The following SDK2 variants were observed in gnomAD, a reference collection of about 807,000 sequenced individuals.
SDK2 encodes the protein protein sidekick-2.
SDK2 carries 105 observed loss-of-function variants against 253.9 expected under a neutral mutation model. The observed-to-expected ratio is 0.41, with a 90% confidence interval of 0.35 to 0.49. SDK2 has a LOEUF of 0.49. SDK2 is among the 20% of genes least tolerant of loss of function. The pLI is 0.06. For synonymous variants in SDK2, 1,249 were observed against 1,234.9 expected, an observed-to-expected ratio of 1.01 and a Z score of -0.24; for missense variants, 2,608 against 3,003.0, an observed-to-expected ratio of 0.87 and a Z score of 3.07.
chr17:73,608,545 C>T (rs372508396), intron 1 of SDK2, among the ~76,000 whole-genome samples: 1 of 152,178 alleles, frequency 6.6e-6, no homozygotes, highest in Non-Finnish European at 1.5e-5. Context: ...CGAGTTCAAG[C>T]GATTCTCCTG....
At chr17:73,523,424 A>G (rs910115680) in intron 1 of SDK2, among the ~76,000 whole-genome samples, 1 of 151,950 alleles carries the variant, frequency 6.6e-6, no homozygotes, top group Non-Finnish European at 1.5e-5. Context: ...TTATTATAGA[A>G]GTGGTCTTTG....
At chr17:73,528,876 T>C (rs2064147097) in intron 1 of SDK2, among the ~76,000 whole-genome samples, 1 of 152,196 alleles carries the variant, frequency 6.6e-6, no homozygotes, top group South Asian at 2.1e-4. Flanking sequence ...CATTACCCTT[T>C]GGACCATGGC....
In SDK2 at chr17:73,395,713, C is replaced by G. The variant is rs2062966093; in HGVS notation, c.3355-321G>C. Among the ~76,000 whole-genome samples, 1 of 152,244 alleles carries G rather than the reference C, an allele frequency of 6.6e-6. No homozygotes were observed. Among genetic ancestry groups the G allele is most frequent in the Admixed American group, 6.5e-5 (1 of 15,290 alleles). ...TCTGACACACCGATAGCACCGCCACCTTTGGCTCTGCTGTCTCTGCTGCTT... is the reference window on the plus strand; with the variant it reads ...TCTGACACACCGATAGCACCGCCACGTTTGGCTCTGCTGTCTCTGCTGCTT... On this transcript the variant is annotated intron_variant, in intron 24 of 44. Transcript: ENST00000392650. The surrounding 1 kb of genome is among the most constrained non-coding windows in gnomAD (Gnocchi z 4.3).
chr17:73,369,219 C>G, intron 36 of SDK2: 1 of 468,010 alleles, frequency 2.1e-6, no homozygotes, highest in Non-Finnish European at 4.4e-6. Flanking sequence ...CAAATCCGTC[C>G]TACGGGAGGC....
chr17:73,513,240 A>T (rs2063995424), intron 1 of SDK2, among the ~76,000 whole-genome samples: 1 of 152,220 alleles, frequency 6.6e-6, no homozygotes, highest in African/African-American at 2.4e-5. Flanking sequence ...AATTTTCCTG[A>T]TATAGAAATG....
At chr17:73,368,750 C>G (rs1018330288) in intron 36 of SDK2, among the ~76,000 whole-genome samples, 157 bp from the exon 37 acceptor site, 1 of 152,158 alleles carries the variant, frequency 6.6e-6, no homozygotes, top group Non-Finnish European at 1.5e-5. Flanking sequence ...TGGCTCACAC[C>G]TGTAATCCCA....
chr17:73,488,741 G>A (rs144911861), intron 2 of SDK2, among the ~76,000 whole-genome samples: 69 of 152,244 alleles, frequency 4.5e-4, no homozygotes, highest in African/African-American at 1.6e-3. Context: ...GTAGTTATGC[G>A]TTTCTTAACC....
intron 1 of SDK2, among the ~76,000 whole-genome samples, chr17:73,599,245 G>C (rs143171781): frequency 2.8e-3 from 432 of 152,180 alleles, no homozygotes; most frequent in African/African-American, 9.6e-3. Context: ...AGAAAGGAGA[G>C]AAGGTGCTGG....
In SDK2 at chr17:73,443,275, T is replaced by A. The variant is rs2063429499; in HGVS notation, c.614-2352A>T. Among the ~76,000 whole-genome samples, 1 of 151,762 alleles carries A rather than the reference T, an allele frequency of 6.6e-6. No individual in the cohort carries two copies. Among genetic ancestry groups the A allele is most frequent in the African/African-American group, 2.4e-5 (1 of 41,256 alleles). ...TGCGCATAAAATGTAAAAAATAAAG[T>A]AAAATGAAGGGGGAAAGAAAGGAAG... On this transcript the variant is annotated intron_variant, in intron 5 of 44. Transcript: ENST00000392650. The surrounding 1 kb of genome is among the most constrained non-coding windows in gnomAD (Gnocchi z 4.6).
chr17:73,358,309 G>C, intron 39 of SDK2, 105 bp from the exon 40 acceptor site: 1 of 1,412,966 alleles, frequency 7.1e-7, no homozygotes, highest in Non-Finnish European at 9.5e-7. Flanking sequence ...ACCAACCCTG[G>C]ACAGAGAGCC....
intron 1 of SDK2, among the ~76,000 whole-genome samples, chr17:73,528,398 G>T (rs2064142905): frequency 6.6e-6 from 1 of 152,174 alleles, no homozygotes; most frequent in African/African-American, 2.4e-5. Flanking sequence ...GTTGTCCCAG[G>T]CGATGCACCA....
In SDK2 at chr17:73,412,124, ATATATGTGTATGTG is replaced by A. The variant is rs1568389586; in HGVS notation, c.2484+2506_2484+2519del. ...TATGTATACGTATATATGTATACGTATATATGTGTATGTGTATATGTATATATACGTATATATGT... is the reference window on the plus strand; with the variant it reads ...TATGTATACGTATATATGTATACGTATATATGTATATATACGTATATATGT... On this transcript the variant is annotated intron_variant, in intron 18 of 44. Transcript: ENST00000392650. Among the ~76,000 whole-genome samples, 592 of 71,278 alleles carry A rather than the reference ATATATGTGTATGTG, an allele frequency of 8.3e-3. 9 individuals are homozygous for A. Among genetic ancestry groups the A allele is most frequent in the African/African-American group, 0.028 (557 of 20,166 alleles). The allele number at this position is 71,278 out of a possible 152,430, so 46.8% of individuals were successfully genotyped here.
intron 12 of SDK2, among the ~76,000 whole-genome samples, chr17:73,429,731 T>G (rs1332763450): frequency 6.6e-6 from 1 of 152,236 alleles, no homozygotes; most frequent in African/African-American, 2.4e-5. Flanking sequence ...AGCAGTTGCA[T>G]TTCCCTCAGC....
intron 1 of SDK2, among the ~76,000 whole-genome samples, chr17:73,550,232 G>C (rs2045033100): frequency 1.3e-5 from 2 of 152,136 alleles, no homozygotes; most frequent in South Asian, 4.1e-4. Flanking sequence ...CAGGGAGGTG[G>C]CAGACTGCCA....
chr17:73,485,174 G>A (rs1385461865), intron 2 of SDK2, among the ~76,000 whole-genome samples: 2 of 152,136 alleles, frequency 1.3e-5, no homozygotes, highest in African/African-American at 4.8e-5. Context: ...AGAGATGGGC[G>A]GGACTTGGTA....
intron 1 of SDK2, among the ~76,000 whole-genome samples, chr17:73,556,405 G>C (rs2045144618): frequency 6.6e-6 from 1 of 152,294 alleles, no homozygotes; most frequent in South Asian, 2.1e-4. Context: ...AGATGGGAAA[G>C]AAATACAATG....
chr17:73,605,502 C>T (rs2045896387), intron 1 of SDK2, among the ~76,000 whole-genome samples: 1 of 152,046 alleles, frequency 6.6e-6, no homozygotes, highest in Admixed American at 6.6e-5. Context: ...TTGGGGCCTT[C>T]AGCTAAGGAG....
Position 73,612,564 on chromosome 17 carries a change from C to T in SDK2, c.64+31461G>A, listed in dbSNP as rs2045990199. 6.6e-6 allele frequency among the ~76,000 whole-genome samples: 1 copy of T among 152,112 alleles called. No individual in the cohort carries two copies. Among genetic ancestry groups the T allele is most frequent in the Admixed American group, 6.6e-5 (1 of 15,264 alleles). On this transcript the variant is annotated intron_variant, in intron 1 of 44. Coordinates refer to ENST00000392650, the MANE Select transcript of SDK2 (RefSeq NM_001144952.2). The surrounding 1 kb of genome is among the most constrained non-coding windows in gnomAD (Gnocchi z 4.4). ...AGGGTCCCGGCTTCCCCATTCTGAC[C>T]CCTTCAGAACTTGGGGGCGGTGGCA...
chr17:73,633,439 G>A (rs1432917876), intron 1 of SDK2, among the ~76,000 whole-genome samples: 1 of 152,168 alleles, frequency 6.6e-6, no homozygotes, highest in Non-Finnish European at 1.5e-5. Flanking sequence ...TGGAAAAGCT[G>A]CATTTACCTT....
Sources: allele counts gnomAD v4.1 joint callset (sites outside exome capture counted in the v4.1 genomes callset), GRCh38; gene constraint gnomAD v4.1.1; non-coding constraint Gnocchi (gnomAD v3.1); transcripts MANE v1.5; gene names NCBI Gene and HGNC (gene_info 2026-07-23, HGNC 2026-07-21).